GIP: variants seen among roughly 807,000 people sequenced by gnomAD.
GIP encodes the protein gastric inhibitory polypeptide.
GIP carries 16 observed loss-of-function variants against 18.1 expected under a neutral mutation model. That is an observed-to-expected ratio of 0.88 (90% CI 0.60 to 1.34). GIP has a LOEUF of 1.34. GIP is among the 40% of genes most tolerant of loss of function. GIP has a pLI of 0.00. For missense variants in GIP, 192 were observed against 183.4 expected (o/e 1.05, Z -0.27); for synonymous variants, 76 against 74.0 (o/e 1.03, Z -0.14).
rs2041181364 is a variant in GIP, at chr17:48,958,610, C to G, written c.*97G>C. ...CACAATGGGCTCGACTTAGCATAAA[C>G]TTTATTGGTTTGGGTTCTCTTGGCT... On this transcript the variant is annotated 3_prime_UTR_variant, in exon 6 of 6. Coordinates refer to ENST00000357424, the MANE Select transcript of GIP (RefSeq NM_004123.3). 1.0e-6 allele frequency: 1 copy of G among 970,708 alleles called. No individual in the cohort carries two copies. The highest frequency in any genetic ancestry group is 1.6e-6 in the Non-Finnish European group (1 of 623,646). The allele number at this position is 970,708 out of a possible 1,614,324, so 60.1% of individuals were successfully genotyped here. A position where few individuals can be genotyped will look rare whatever the true frequency, so the allele number is the denominator to read the frequency against.
chr17:48,964,626 C>G (rs1451093877), intron 2 of GIP, 146 bp from the exon 3 acceptor site: 7 of 643,008 alleles, frequency 1.1e-5, no homozygotes, highest in Admixed American at 8.2e-5. Context: ...TCCCCCACCC[C>G]ACCCCAGGCT....
At chr17:48,964,910 C>A (rs1306252027) in intron 2 of GIP, among the ~76,000 whole-genome samples, 1 of 151,518 alleles carries the variant, frequency 6.6e-6, no homozygotes, top group Non-Finnish European at 1.5e-5. Context: ...GAGGCTGAGG[C>A]GGGCGGATTA....
chr17:48,963,862 A>AAAAAAG (rs1168878456), intron 3 of GIP, among the ~76,000 whole-genome samples: 3 of 136,798 alleles, frequency 2.2e-5, no homozygotes, highest in South Asian at 2.6e-4. Flanking sequence ...AAAAAAAAAA[A>AAAAAAG]AGAGAGAGAG....
chr17:48,960,036 G>T lies in GIP; in HGVS notation c.452+850C>A, dbSNP rs1460784998. Among the ~76,000 whole-genome samples, 2 of 5,748 alleles carry T rather than the reference G, an allele frequency of 3.5e-4. 1 individual carries two copies. The highest frequency in any genetic ancestry group is 8.6e-4 in the Non-Finnish European group (2 of 2,330). 3.8% of individuals were successfully genotyped at this position (5,748 alleles called of 152,430 possible). ...GCCACAGGATGGGCTCAGCTCGGTG[G>T]GTAGGGACAGGCGGGCCACAGGATG... On this transcript the variant is annotated intron_variant, in intron 5 of 5. Transcript: ENST00000357424.
At chr17:48,961,333 G>T (rs955537662) in intron 4 of GIP, among the ~76,000 whole-genome samples, 1 of 152,184 alleles carries the variant, frequency 6.6e-6, no homozygotes, top group African/African-American at 2.4e-5. Flanking sequence ...GGGGATAACT[G>T]ATTTCAGGGG....
chr17:48,965,828 T>C (rs546481110), intron 2 of GIP, among the ~76,000 whole-genome samples: 11 of 152,224 alleles, frequency 7.2e-5, no homozygotes, highest in African/African-American at 2.6e-4. Context: ...TAGGTTCTAT[T>C]TATATCCCCA....
intron 2 of GIP, 47 bp from the exon 3 acceptor site, chr17:48,964,527 C>T (rs750596647): frequency 6.5e-7 from 1 of 1,528,770 alleles, no homozygotes; most frequent in Non-Finnish European, 9.0e-7. Flanking sequence ...GGGAGAATCA[C>T]AATGCTAGGG....
At chr17:48,959,309 T>C (rs1180254388) in intron 5 of GIP, among the ~76,000 whole-genome samples, 2 of 152,170 alleles carry the variant, frequency 1.3e-5, no homozygotes, top group African/African-American at 2.4e-5. Flanking sequence ...ATTTTAATGA[T>C]AAGTAATCAA....
At chr17:48,961,652 C>A in intron 4 of GIP, 75 bp downstream of exon 4, 1 of 899,844 alleles carries the variant, frequency 1.1e-6, no homozygotes, top group South Asian at 1.4e-5. Flanking sequence ...GCTCTGGGGT[C>A]AGGGAGAGGG....
At chr17:48,967,115 C>G in intron 2 of GIP, 32 bp downstream of exon 2, 2 of 1,488,100 alleles carry the variant, frequency 1.3e-6, no homozygotes, top group Non-Finnish European at 1.9e-6. Context: ...AACCCCTCCT[C>G]TGCCCCATCC....
chr17:48,967,687 A>G (rs1040101580), intron 1 of GIP, among the ~76,000 whole-genome samples: 4 of 151,802 alleles, frequency 2.6e-5, no homozygotes, highest in African/African-American at 9.7e-5. Flanking sequence ...AGCCTGGGGC[A>G]ACACCATGGG....
chr17:48,959,623 A>G (rs925856216), intron 5 of GIP, among the ~76,000 whole-genome samples: 4 of 152,174 alleles, frequency 2.6e-5, no homozygotes, highest in Non-Finnish European at 1.5e-5. Context: ...GGGATTCAAG[A>G]GACCATTGAA....
At chr17:48,965,844 T>C (rs903904234) in intron 2 of GIP, among the ~76,000 whole-genome samples, 3 of 152,130 alleles carry the variant, frequency 2.0e-5, no homozygotes, top group Non-Finnish European at 4.4e-5. Context: ...CCCCATTTTG[T>C]GAATGGAGAA....
At chr17:48,964,966 C>G (rs1162343008) in intron 2 of GIP, among the ~76,000 whole-genome samples, 1 of 151,344 alleles carries the variant, frequency 6.6e-6, no homozygotes. Context: ...AGTGAAACCC[C>G]GTCTCTACTA....
intron 4 of GIP, among the ~76,000 whole-genome samples, 180 bp from the exon 5 acceptor site, chr17:48,961,167 C>G (rs150747558): frequency 6.6e-6 from 1 of 152,148 alleles, no homozygotes. Flanking sequence ...CCCCACCCAG[C>G]GCTGCCTGCC....
chr17:48,964,711 CG>C (rs897910727), intron 2 of GIP, among the ~76,000 whole-genome samples: 35 of 152,122 alleles, frequency 2.3e-4, no homozygotes, highest in African/African-American at 8.4e-4. Flanking sequence ...AAAGAGATCA[CG>C]GGGCCAGGGG....
Position 48,958,778 on chromosome 17 carries a change from T to C in GIP, c.453-62A>G, listed in dbSNP as rs1349024818. The C allele has an allele frequency of 2.9e-6, 4 of 1,366,762 alleles. No homozygotes were observed. The African/African-American group carries it at 5.8e-5, about 20-fold the overall frequency. The allele number at this position is 1,366,762 out of a possible 1,614,324, so 84.7% of individuals were successfully genotyped here. A position where few individuals can be genotyped will look rare whatever the true frequency, so the allele number is the denominator to read the frequency against. On this transcript the variant is annotated intron_variant, in intron 5 of 5. Coordinates refer to ENST00000357424, the MANE Select transcript of GIP (RefSeq NM_004123.3). The stretch of plus-strand genomic sequence containing the variant: ...GGACTTGGAGTCGGCCAAGCACATT[T>C]ATCCTGGGACCCAACCATTGTTGAA...
At chr17:48,959,239 A>C (rs1041624727) in intron 5 of GIP, among the ~76,000 whole-genome samples, 4 of 152,200 alleles carry the variant, frequency 2.6e-5, no homozygotes, top group African/African-American at 9.6e-5. Flanking sequence ...ATCATAGATC[A>C]CTGCAGTCTT....
In GIP at chr17:48,960,941, G is replaced by T. The variant is rs1446138901; in HGVS notation, c.397C>A (p.Leu133Met). The change falls in exon 5 of 6, where the codon CTG becomes ATG. Residue 133 changes from leucine (L) to methionine (M), a missense_variant. Transcript: ENST00000357424. Reference sequence around the variant, plus strand: ...AAGCAGGCCAACAGCTCTTGAATCAGCAAGTCCCGCAGCAAATCTTCATCG... The same window carrying T: ...AAGCAGGCCAACAGCTCTTGAATCATCAAGTCCCGCAGCAAATCTTCATCG... ...PSDEDLLRDLLIQELLACLLD... is the reference protein window; with the variant it reads ...PSDEDLLRDLMIQELLACLLD... The T allele has an allele frequency of 1.2e-6, 2 of 1,609,450 alleles. No homozygotes were observed. Among genetic ancestry groups the T allele is most frequent in the South Asian group, 1.1e-5 (1 of 89,574 alleles).
Sources: allele counts gnomAD v4.1 joint callset (sites outside exome capture counted in the v4.1 genomes callset), GRCh38; gene constraint gnomAD v4.1.1; transcripts MANE v1.5; gene names NCBI Gene and HGNC (gene_info 2026-07-23, HGNC 2026-07-21).